The following NAALADL2 variants were observed in gnomAD, a reference collection of about 807,000 sequenced individuals.
The protein encoded by NAALADL2 is N-acetylated alpha-linked acidic dipeptidase like 2, also known as inactive N-acetylated-alpha-linked acidic dipeptidase-like protein 2.
In NAALADL2, 76 loss-of-function variants were observed where a neutral mutation model predicts 87.2. The ratio of observed to expected loss-of-function variants is 0.87; its 90% CI spans 0.72 to 1.05. NAALADL2 has a LOEUF of 1.05. NAALADL2 is among the 50% of genes least tolerant of loss of function. NAALADL2 has a pLI of 0.00. For missense variants in NAALADL2, 1,089 were observed against 945.8 expected, an observed-to-expected ratio of 1.15 and a Z score of -1.99; for synonymous variants, 354 against 331.0, an observed-to-expected ratio of 1.07 and a Z score of -0.75.
At chr3:174,962,908 A>G (rs1006092583) in intron 1 of NAALADL2, among the ~76,000 whole-genome samples, 4 of 152,056 alleles carry the variant, frequency 2.6e-5, no homozygotes, top group Non-Finnish European at 5.9e-5. Context: ...TTTGCATATA[A>G]CCTACACATA....
chr3:175,463,551 C>G, intron 7 of NAALADL2, 58 bp downstream of exon 7: 1 of 925,388 alleles, frequency 1.1e-6, no homozygotes, highest in Non-Finnish European at 1.6e-6. Context: ...CAAGGAAATG[C>G]TCTGTAATAA....
chr3:174,668,693 T>C (rs532742356), intron 2 of NAALADL2, among the ~76,000 whole-genome samples: 1 of 152,194 alleles, frequency 6.6e-6, no homozygotes. Context: ...GTCCCTGCAA[T>C]AGTTTGCTGA....
At chr3:175,408,332 GAT>G (rs1712817082) in intron 5 of NAALADL2, among the ~76,000 whole-genome samples, 1 of 151,964 alleles carries the variant, frequency 6.6e-6, no homozygotes, top group Admixed American at 6.6e-5. Flanking sequence ...TAATTAGCTT[GAT>G]TTAATTCTTC....
chr3:174,865,220 C>A (rs1215953070), intron 1 of NAALADL2, among the ~76,000 whole-genome samples: 1 of 151,836 alleles, frequency 6.6e-6, no homozygotes, highest in East Asian at 1.9e-4. Context: ...AAAATCCTAC[C>A]AACTAAAAAA....
intron 10 of NAALADL2, among the ~76,000 whole-genome samples, chr3:175,622,831 A>G (rs1196280703): frequency 6.6e-6 from 1 of 152,168 alleles, no homozygotes; most frequent in African/African-American, 2.4e-5. Context: ...CACTCAGTAA[A>G]TTTTAAGAAA....
At chr3:175,090,135 G>A (rs1719806408) in intron 1 of NAALADL2, among the ~76,000 whole-genome samples, 1 of 151,968 alleles carries the variant, frequency 6.6e-6, no homozygotes, top group Non-Finnish European at 1.5e-5. Context: ...GGTGGAGGTG[G>A]AATTGGACAA....
At chr3:175,193,803 T>C (rs1380254189) in intron 2 of NAALADL2, among the ~76,000 whole-genome samples, 1 of 151,982 alleles carries the variant, frequency 6.6e-6, no homozygotes, top group Non-Finnish European at 1.5e-5. Flanking sequence ...GCTCTGTTTT[T>C]AGCAGATAGA....
chr3:175,739,864 A>G (rs1414148717), intron 12 of NAALADL2, among the ~76,000 whole-genome samples: 1 of 152,202 alleles, frequency 6.6e-6, no homozygotes, highest in Admixed American at 6.5e-5. Flanking sequence ...AATATCAATC[A>G]CTAAATGCCA....
At chr3:175,071,861 ACTT>A (rs1231280523) in intron 1 of NAALADL2, among the ~76,000 whole-genome samples, 1 of 152,070 alleles carries the variant, frequency 6.6e-6, no homozygotes, top group Non-Finnish European at 1.5e-5. Flanking sequence ...TTCCCCAGTG[ACTT>A]CTTAAGTCTG....
chr3:175,543,904 C>A (rs1712825916), intron 9 of NAALADL2, among the ~76,000 whole-genome samples: 1 of 152,152 alleles, frequency 6.6e-6, no homozygotes, highest in Non-Finnish European at 1.5e-5. Context: ...GAGGTAAATA[C>A]AGAAAGGCAT....
chr3:174,698,629 C>A (rs1328180957), intron 2 of NAALADL2, among the ~76,000 whole-genome samples: 1 of 95,974 alleles, frequency 1.0e-5, no homozygotes, highest in Non-Finnish European at 1.7e-5. Context: ...CTTTGGGAGG[C>A]CGAGGCGGGC....
chr3:174,723,812 A>G (rs1481251275), intron 2 of NAALADL2, among the ~76,000 whole-genome samples: 2 of 150,192 alleles, frequency 1.3e-5, no homozygotes, highest in Non-Finnish European at 1.5e-5. Context: ...CTTAAACTAT[A>G]CTGGAGGTTT....
chr3:175,349,487 G>A (rs1249471608), intron 5 of NAALADL2, among the ~76,000 whole-genome samples: 2 of 152,186 alleles, frequency 1.3e-5, no homozygotes, highest in African/African-American at 4.8e-5. Context: ...CATAGGCCAT[G>A]TTAAGAAAGA....
intron 13 of NAALADL2, among the ~76,000 whole-genome samples, chr3:175,769,195 C>T (rs914498446): frequency 4.6e-5 from 7 of 152,274 alleles, no homozygotes; most frequent in South Asian, 4.1e-4. Flanking sequence ...TCAGCAAGTA[C>T]GCAGTGTCTA....
At chr3:174,911,329 A>C (rs919268734) in intron 1 of NAALADL2, among the ~76,000 whole-genome samples, 1 of 152,142 alleles carries the variant, frequency 6.6e-6, no homozygotes, top group Non-Finnish European at 1.5e-5. Flanking sequence ...TGTAGAATTA[A>C]ATGTGGAAGA....
intron 9 of NAALADL2, among the ~76,000 whole-genome samples, chr3:175,525,955 G>A (rs144819076): frequency 2.4e-4 from 37 of 152,274 alleles, no homozygotes; most frequent in African/African-American, 5.8e-4. Context: ...GCCAAGTTCC[G>A]TTGGGAAAGT....
chr3:175,357,478 A>G (rs909173284), intron 5 of NAALADL2, among the ~76,000 whole-genome samples: 3 of 152,186 alleles, frequency 2.0e-5, no homozygotes, highest in Admixed American at 2.0e-4. Flanking sequence ...TAAAAAGAAA[A>G]TGTCTTCTTA....
At chr3:175,662,181 C>G (rs75312079) in intron 11 of NAALADL2, among the ~76,000 whole-genome samples, 2,073 of 151,866 alleles carry the variant, frequency 0.014, 52 homozygotes, top group African/African-American at 0.048. Context: ...CAGTCTTTTA[C>G]AGTTTTCCTT....
At chr3:175,013,014 TA>T (rs1750065014) in intron 1 of NAALADL2, among the ~76,000 whole-genome samples, 1 of 133,654 alleles carries the variant, frequency 7.5e-6, no homozygotes, top group African/African-American at 2.9e-5. Flanking sequence ...TGTACATATA[TA>T]ATATATAAAT....
Sources: gnomAD v4.1 joint callset for allele counts (sites outside exome capture counted in the v4.1 genomes callset) on GRCh38, gnomAD v4.1.1 for gene constraint, MANE v1.5 for transcripts, NCBI Gene and HGNC (gene_info 2026-07-23, HGNC 2026-07-21) for gene names.